The following SNTB1 variants were observed in gnomAD, a reference collection of about 807,000 sequenced individuals.
SNTB1 encodes beta-1-syntrophin.
A neutral mutation model predicts 48.9 loss-of-function variants in SNTB1; 36 were observed. The ratio of observed to expected loss-of-function variants is 0.74; its 90% CI spans 0.56 to 0.97. The LOEUF is 0.97. SNTB1 is among the 50% of genes least tolerant of loss of function. SNTB1 has a pLI of 0.00. For missense variants in SNTB1, 786 were observed against 703.4 expected (o/e 1.12, Z -1.33); for synonymous variants, 299 against 294.6 (o/e 1.01, Z -0.15).
At chr8:120,800,865 A>C (rs1820214583) in intron 1 of SNTB1, among the ~76,000 whole-genome samples, 2 of 145,372 alleles carry the variant, frequency 1.4e-5, no homozygotes, top group African/African-American at 2.9e-5. Flanking sequence ...GATTTAGCTA[A>C]TAATGCCTAG....
intron 4 of SNTB1, among the ~76,000 whole-genome samples, chr8:120,561,341 G>GAAAA (rs1382556427): frequency 1.5e-5 from 1 of 67,384 alleles, no homozygotes; most frequent in Non-Finnish European, 3.2e-5. Flanking sequence ...AAAAAAAAAA[G>GAAAA]AAAAAAAGAA....
At chr8:120,559,236 T>C (rs1815614842) in intron 4 of SNTB1, among the ~76,000 whole-genome samples, 1 of 152,218 alleles carries the variant, frequency 6.6e-6, no homozygotes, top group Admixed American at 6.5e-5. Flanking sequence ...TTCTTTTGAA[T>C]CTATCTTTAG....
chr8:120,788,098 T>G (rs1819957893), intron 1 of SNTB1, among the ~76,000 whole-genome samples: 1 of 152,178 alleles, frequency 6.6e-6, no homozygotes, highest in East Asian at 1.9e-4. Context: ...AGAATAACTG[T>G]CAGCCAAGAA....
At chr8:120,684,540 C>T (rs939423740) in intron 2 of SNTB1, among the ~76,000 whole-genome samples, 2 of 151,782 alleles carry the variant, frequency 1.3e-5, no homozygotes, top group Admixed American at 6.6e-5. Flanking sequence ...ACAAGTTATG[C>T]ATTTCAAAAT....
At chr8:120,648,327 G>T (rs1173092953) in intron 2 of SNTB1, among the ~76,000 whole-genome samples, 51 of 151,470 alleles carry the variant, frequency 3.4e-4, no homozygotes, top group Non-Finnish European at 6.8e-4. Context: ...TCCATGTTTA[G>T]TGCTTCCTTC....
intron 1 of SNTB1, among the ~76,000 whole-genome samples, chr8:120,749,536 T>A (rs1474238724): frequency 6.6e-6 from 1 of 152,128 alleles, no homozygotes; most frequent in Non-Finnish European, 1.5e-5. Flanking sequence ...TCTTATTCTA[T>A]TTTTTTCTGG....
At chr8:120,620,733 T>C (rs1303127754) in intron 3 of SNTB1, among the ~76,000 whole-genome samples, 2 of 151,284 alleles carry the variant, frequency 1.3e-5, no homozygotes, top group East Asian at 3.9e-4. Flanking sequence ...TATGGTGTGT[T>C]CAGAGATCCA....
intron 1 of SNTB1, among the ~76,000 whole-genome samples, chr8:120,789,483 C>T (rs75544905): frequency 0.034 from 5,191 of 151,872 alleles, 315 homozygotes; most frequent in African/African-American, 0.12. Context: ...AATTGAAAAG[C>T]CACTTGCTAG....
intron 1 of SNTB1, among the ~76,000 whole-genome samples, chr8:120,738,377 T>C (rs1818984145): frequency 6.6e-6 from 1 of 152,208 alleles, no homozygotes; most frequent in African/African-American, 2.4e-5. Flanking sequence ...AAAGTACTCT[T>C]TGGATGAAGC....
chr8:120,641,984 A>G (rs572963721), intron 2 of SNTB1, among the ~76,000 whole-genome samples: 1 of 152,322 alleles, frequency 6.6e-6, no homozygotes, highest in South Asian at 2.1e-4. Flanking sequence ...GCGATTCTCA[A>G]GGCATGGCCA....
At chr8:120,807,297 C>T (rs910440795) in intron 1 of SNTB1, among the ~76,000 whole-genome samples, 1 of 152,218 alleles carries the variant, frequency 6.6e-6, no homozygotes, top group Non-Finnish European at 1.5e-5. Context: ...CCTCTGTCCC[C>T]CCTGACCTGG....
chr8:120,663,615 T>C (rs544998094), intron 2 of SNTB1, among the ~76,000 whole-genome samples: 2 of 152,190 alleles, frequency 1.3e-5, no homozygotes, highest in Admixed American at 1.3e-4. Flanking sequence ...CCACAAGTAG[T>C]TCTTGAGTGG....
At chr8:120,804,711 G>C (rs1170427973) in intron 1 of SNTB1, among the ~76,000 whole-genome samples, 2 of 152,088 alleles carry the variant, frequency 1.3e-5, no homozygotes, top group African/African-American at 2.4e-5. Flanking sequence ...AATTAATTCT[G>C]TAATACGCCC....
intron 1 of SNTB1, among the ~76,000 whole-genome samples, chr8:120,726,146 A>C (rs997556844): frequency 1.3e-5 from 2 of 152,210 alleles, no homozygotes. Flanking sequence ...CCGTATAAGC[A>C]AAACTATTTT....
chr8:120,643,909 T>C (rs571449889), intron 2 of SNTB1, among the ~76,000 whole-genome samples: 4 of 152,204 alleles, frequency 2.6e-5, no homozygotes, highest in Admixed American at 6.5e-5. Context: ...TCTGGTTTAT[T>C]CTTTTTGTTA....
chr8:120,724,893 T>G lies in SNTB1; in HGVS notation c.572-30985A>C, dbSNP rs1818726387. Among the ~76,000 whole-genome samples the G allele has an allele frequency of 2.0e-5, 3 of 151,762 alleles. No homozygotes were observed. In the South Asian group the frequency reaches 6.3e-4, roughly 32 times the overall value. On this transcript the variant is annotated intron_variant, in intron 1 of 6. Transcript: ENST00000517992. ...AACAGGAGGGAAGTAGGCTAGGAGG[T>G]GGAGATGCAGGGTAGGGGAGTACAA...
At chr8:120,790,459 A>G (rs1006805610) in intron 1 of SNTB1, among the ~76,000 whole-genome samples, 12 of 151,948 alleles carry the variant, frequency 7.9e-5, no homozygotes, top group Admixed American at 5.3e-4. Context: ...CTGTTTGTCA[A>G]TGACATAATC....
intron 1 of SNTB1, among the ~76,000 whole-genome samples, chr8:120,730,808 C>T (rs1818837879): frequency 6.6e-6 from 1 of 152,074 alleles, no homozygotes; most frequent in Admixed American, 6.6e-5. Context: ...AGCACAGTGC[C>T]TGCCATGGGT....
chr8:120,544,309 G>A (rs1172311135), intron 5 of SNTB1, among the ~76,000 whole-genome samples: 2 of 152,034 alleles, frequency 1.3e-5, no homozygotes, highest in African/African-American at 4.8e-5. Flanking sequence ...TAGTATTTGG[G>A]GTATTTGTGA....
Sources: allele counts gnomAD v4.1 joint callset (sites outside exome capture counted in the v4.1 genomes callset), GRCh38; gene constraint gnomAD v4.1.1; transcripts MANE v1.5; gene names NCBI Gene and HGNC (gene_info 2026-07-23, HGNC 2026-07-21).